The following SPRED1 variants were observed in gnomAD, a reference collection of about 807,000 sequenced individuals.
The protein encoded by SPRED1 is sprouty related EVH1 domain containing 1, also known as sprouty-related, EVH1 domain-containing protein 1.
Under a neutral mutation model 52.3 loss-of-function variants are expected in SPRED1, and 18 were observed. The observed-to-expected ratio is 0.34, with a 90% confidence interval of 0.24 to 0.51. SPRED1 has a LOEUF of 0.51. Among genes scored for constraint, SPRED1 ranks in the 20% least tolerant of loss-of-function variants. The probability of loss-of-function intolerance (pLI) is 0.97; values close to 1 mark genes in which losing one functional copy is unlikely to be tolerated. For missense variants in SPRED1, 485 were observed against 551.0 expected (o/e 0.88, Z 1.20); for synonymous variants, 155 against 179.7 (o/e 0.86, Z 1.10).
At chr15:38,316,428 T>C (rs1360131436) in intron 2 of SPRED1, among the ~76,000 whole-genome samples, 3 of 152,068 alleles carry the variant, frequency 2.0e-5, no homozygotes, top group Non-Finnish European at 4.4e-5. Flanking sequence ...TCTTAAAATA[T>C]CTGTGGTTCC....
intron 1 of SPRED1, among the ~76,000 whole-genome samples, chr15:38,260,647 C>T (rs117856908): frequency 9.2e-5 from 14 of 152,278 alleles, no homozygotes; most frequent in Middle Eastern, 6.8e-3. Context: ...TAAAGAACCG[C>T]ATTATTACCA....
chr15:38,294,827 C>T (rs900020639), intron 1 of SPRED1, among the ~76,000 whole-genome samples: 7 of 152,054 alleles, frequency 4.6e-5, no homozygotes, highest in Admixed American at 4.6e-4. Flanking sequence ...ATCATAGATG[C>T]TATTGTGATT....
intron 2 of SPRED1, among the ~76,000 whole-genome samples, chr15:38,313,331 G>A (rs1895407045): frequency 1.3e-5 from 2 of 151,912 alleles, no homozygotes; most frequent in African/African-American, 4.8e-5. Context: ...CAGTGCCTCA[G>A]TCTTTAATGA....
chr15:38,307,496 GC>G (rs1212617713), intron 2 of SPRED1, among the ~76,000 whole-genome samples: 1 of 152,044 alleles, frequency 6.6e-6, no homozygotes, highest in Non-Finnish European at 1.5e-5. Flanking sequence ...AAAAGCACTA[GC>G]CCTATCAGAT....
chr15:38,304,919 A>T (rs1388901707), intron 2 of SPRED1, among the ~76,000 whole-genome samples: 3 of 152,064 alleles, frequency 2.0e-5, no homozygotes, highest in Non-Finnish European at 2.9e-5. Context: ...CTTTTCAGTC[A>T]ATCTCTCAAA....
intron 2 of SPRED1, among the ~76,000 whole-genome samples, chr15:38,307,537 C>T (rs111807563): frequency 1.3e-5 from 2 of 152,110 alleles, no homozygotes; most frequent in Non-Finnish European, 1.5e-5. Flanking sequence ...CCTCATTTAA[C>T]CTTTATCATT....
intron 4 of SPRED1, among the ~76,000 whole-genome samples, chr15:38,332,311 T>C (rs1202537964): frequency 1.3e-5 from 2 of 152,204 alleles, no homozygotes; most frequent in Non-Finnish European, 2.9e-5. Flanking sequence ...TGATAGCTCA[T>C]GCCTGTAATC....
intron 1 of SPRED1, among the ~76,000 whole-genome samples, chr15:38,265,280 C>T (rs779290978): frequency 2.0e-5 from 3 of 152,090 alleles, no homozygotes; most frequent in Non-Finnish European, 4.4e-5. Flanking sequence ...TGTAACCTCT[C>T]TCCCTACAAT....
At chr15:38,258,251 G>C (rs2222441) in intron 1 of SPRED1, among the ~76,000 whole-genome samples, 127,120 of 152,170 alleles carry the variant, frequency 0.84, 53,666 homozygotes, top group Non-Finnish European at 0.9. Flanking sequence ...AATGCTTTAT[G>C]AAAGCATTAT....
At chr15:38,306,082 T>C (rs1438409636) in intron 2 of SPRED1, among the ~76,000 whole-genome samples, 1 of 152,190 alleles carries the variant, frequency 6.6e-6, no homozygotes, top group African/African-American at 2.4e-5. Flanking sequence ...TAATACTTCT[T>C]TAGGATTCCC....
intron 1 of SPRED1, among the ~76,000 whole-genome samples, chr15:38,273,795 C>T (rs1319333661): frequency 2.6e-5 from 4 of 151,982 alleles, no homozygotes; most frequent in Admixed American, 6.6e-5. Context: ...GATTGGAAGA[C>T]GAAGGGAGGA....
chr15:38,317,672 A>G (rs1438989493), intron 2 of SPRED1, among the ~76,000 whole-genome samples: 3 of 152,042 alleles, frequency 2.0e-5, no homozygotes, highest in African/African-American at 7.2e-5. Flanking sequence ...ACGTGAAAAT[A>G]GCCAGCAGAA....
intron 1 of SPRED1, among the ~76,000 whole-genome samples, chr15:38,266,375 C>T (rs1894306734): frequency 6.6e-6 from 1 of 152,170 alleles, no homozygotes; most frequent in Non-Finnish European, 1.5e-5. Flanking sequence ...CACGGTGGCT[C>T]ATGCCTGTAA....
chr15:38,293,942 G>A (rs1333263736), intron 1 of SPRED1, among the ~76,000 whole-genome samples: 1 of 152,048 alleles, frequency 6.6e-6, no homozygotes, highest in African/African-American at 2.4e-5. Flanking sequence ...CCATTATGTG[G>A]TAATGTATCT....
At chr15:38,306,147 C>T (rs1180041885) in intron 2 of SPRED1, among the ~76,000 whole-genome samples, 2 of 152,130 alleles carry the variant, frequency 1.3e-5, no homozygotes, top group Non-Finnish European at 2.9e-5. Flanking sequence ...TATAATCTGG[C>T]CCTGTCCTCC....
At chr15:38,296,993 C>T (rs948189936) in intron 1 of SPRED1, among the ~76,000 whole-genome samples, 3 of 152,132 alleles carry the variant, frequency 2.0e-5, no homozygotes, top group African/African-American at 7.2e-5. Flanking sequence ...GCATTCCTCC[C>T]CTCCAGAGGT....
chr15:38,255,342 C>T (rs1384770839), intron 1 of SPRED1, among the ~76,000 whole-genome samples: 1 of 152,024 alleles, frequency 6.6e-6, no homozygotes, highest in Non-Finnish European at 1.5e-5. Flanking sequence ...CTCACCCAGA[C>T]TTTTAAAATC....
At chr15:38,286,619 G>A (rs914652063) in intron 1 of SPRED1, among the ~76,000 whole-genome samples, 1 of 150,060 alleles carries the variant, frequency 6.7e-6, no homozygotes. Context: ...TTTAGGCATG[G>A]TACCAATTAT....
intron 2 of SPRED1, among the ~76,000 whole-genome samples, chr15:38,319,216 T>C (rs1051597310): frequency 2.6e-5 from 4 of 152,220 alleles, no homozygotes; most frequent in Non-Finnish European, 1.5e-5. Flanking sequence ...ATAGTATAAA[T>C]GTTGCAGTAA....
Sources: allele counts gnomAD v4.1 joint callset (sites outside exome capture counted in the v4.1 genomes callset), GRCh38; gene constraint gnomAD v4.1.1; transcripts MANE v1.5; gene names NCBI Gene and HGNC (gene_info 2026-07-23, HGNC 2026-07-21).